The following EPHA6 variants were observed in gnomAD, a reference collection of about 807,000 sequenced individuals.
EPHA6 encodes the protein EPH receptor A6.
A neutral mutation model predicts 112.0 loss-of-function variants in EPHA6; 50 were observed. That is an observed-to-expected ratio of 0.45 (90% CI 0.36 to 0.56). The LOEUF is 0.56. EPHA6 is among the 20% of genes least tolerant of loss of function. The pLI is 0.00. For missense variants in EPHA6, 1,280 were observed against 1,417.4 expected (o/e 0.90, Z 1.56); for synonymous variants, 529 against 490.7 (o/e 1.08, Z -1.03).
At chr3:97,179,499 T>A (rs191306766) in intron 3 of EPHA6, among the ~76,000 whole-genome samples, 58 of 152,122 alleles carry the variant, frequency 3.8e-4, no homozygotes, top group African/African-American at 1.4e-3. Context: ...TTATTTGTAG[T>A]CAGTCTTTTT....
intron 2 of EPHA6, among the ~76,000 whole-genome samples, chr3:96,933,631 T>G (rs1439059241): frequency 1.3e-5 from 2 of 152,126 alleles, no homozygotes; most frequent in Non-Finnish European, 2.9e-5. Context: ...GTAAGAAAGA[T>G]TCATGATCAA....
At chr3:97,147,769 A>C (rs532513379) in intron 3 of EPHA6, among the ~76,000 whole-genome samples, 22 of 152,246 alleles carry the variant, frequency 1.4e-4, no homozygotes, top group African/African-American at 5.3e-4. Flanking sequence ...TCAAGGTCAT[A>C]AAAATCAAGG....
chr3:97,640,489 G>C (rs2093991965), intron 14 of EPHA6, among the ~76,000 whole-genome samples: 1 of 152,134 alleles, frequency 6.6e-6, no homozygotes, highest in South Asian at 2.1e-4. Context: ...ATTGGGGCCG[G>C]GCACGGTGGC....
At position 97,010,140 on chromosome 3, in the gene EPHA6, TTTG is replaced by T; in HGVS notation, c.1114+22150_1114+22152del. On this transcript the variant is annotated intron_variant, in intron 3 of 17. Transcript: ENST00000389672. ...GGTTACATTTACAGCCAAAATTTGT[TTTG>T]TTTTTATTTTGTTGTGTTTTCATTA... 2.5e-6 allele frequency: 3 copies of T among 1,214,434 alleles called. No individual in the cohort carries two copies. The South Asian group carries it at 4.1e-5, about 16-fold the overall frequency. 75.2% of individuals were successfully genotyped at this position (1,214,434 alleles called of 1,614,324 possible).
intron 2 of EPHA6, among the ~76,000 whole-genome samples, chr3:96,981,758 C>G (rs1328628978): frequency 2.0e-5 from 3 of 152,060 alleles, no homozygotes; most frequent in Non-Finnish European, 2.9e-5. Flanking sequence ...TTCAGAGATT[C>G]AACTTCTTCC....
chr3:97,115,152 C>T (rs1344248010), intron 3 of EPHA6, among the ~76,000 whole-genome samples: 3 of 151,804 alleles, frequency 2.0e-5, no homozygotes, highest in Admixed American at 1.3e-4. Flanking sequence ...TAATGGATGG[C>T]TATGTAGGGA....
intron 5 of EPHA6, among the ~76,000 whole-genome samples, chr3:97,316,500 G>A (rs1031108222): frequency 2.6e-5 from 4 of 151,844 alleles, no homozygotes; most frequent in African/African-American, 4.8e-5. Context: ...GAAGTGTCAT[G>A]TGTTATTTAT....
At chr3:96,947,077 T>G (rs1323993832) in intron 2 of EPHA6, among the ~76,000 whole-genome samples, 12 of 152,064 alleles carry the variant, frequency 7.9e-5, no homozygotes, top group Non-Finnish European at 1.8e-4. Context: ...ATTCTGGATA[T>G]TAGGCCTTTG....
At chr3:97,541,727 G>GTTTTTTTTTTTTTT (rs59024112) in intron 11 of EPHA6, among the ~76,000 whole-genome samples, 8 of 131,868 alleles carry the variant, frequency 6.1e-5, no homozygotes, top group Non-Finnish European at 8.4e-5. Context: ...TCTTTTTTTT[G>GTTTTTTTTTTTTTT]TTTTTTTTTT....
chr3:97,015,080 A>T (rs16837725), intron 3 of EPHA6, among the ~76,000 whole-genome samples: 2,004 of 152,306 alleles, frequency 0.013, 48 homozygotes, highest in African/African-American at 0.044. Context: ...AGAAGAAAAT[A>T]ATTACCAAAA....
At chr3:97,525,419 C>T (rs1388640574) in intron 10 of EPHA6, among the ~76,000 whole-genome samples, 1 of 152,040 alleles carries the variant, frequency 6.6e-6, no homozygotes, top group Admixed American at 6.6e-5. Context: ...AGTTGTCTAT[C>T]TCTATTTGTT....
chr3:96,931,022 G>GAAAAA (rs2040297475), intron 2 of EPHA6, among the ~76,000 whole-genome samples: 1 of 101,176 alleles, frequency 9.9e-6, no homozygotes, highest in Admixed American at 1.0e-4. Context: ...AAAAAAAAAA[G>GAAAAA]AAAAGCTTTC....
chr3:97,260,721 G>A (rs1380893645), intron 5 of EPHA6, among the ~76,000 whole-genome samples: 2 of 152,196 alleles, frequency 1.3e-5, no homozygotes, highest in African/African-American at 4.8e-5. Context: ...ACATCTCTGA[G>A]CATGAAGCAC....
chr3:97,580,679 C>A (rs565269416), intron 11 of EPHA6, among the ~76,000 whole-genome samples: 1 of 152,288 alleles, frequency 6.6e-6, no homozygotes, highest in African/African-American at 2.4e-5. Context: ...TTTAATGTGA[C>A]TAAACAGTCA....
At chr3:96,841,978 T>C (rs549209355) in intron 1 of EPHA6, among the ~76,000 whole-genome samples, 1 of 152,130 alleles carries the variant, frequency 6.6e-6, no homozygotes. Context: ...AGATTAAAAG[T>C]CCCGGGATGG....
chr3:97,331,395 G>T (rs1273708985), intron 5 of EPHA6, among the ~76,000 whole-genome samples: 1 of 151,896 alleles, frequency 6.6e-6, no homozygotes, highest in Non-Finnish European at 1.5e-5. Context: ...AAATAACTAA[G>T]AAAAGAGCAG....
intron 2 of EPHA6, among the ~76,000 whole-genome samples, chr3:96,927,108 C>T (rs1240194763): frequency 6.6e-6 from 1 of 152,182 alleles, no homozygotes. Context: ...TTTGTGCACC[C>T]GTAGGCCTAA....
At chr3:97,072,481 C>T (rs1383588801) in intron 3 of EPHA6, among the ~76,000 whole-genome samples, 1 of 151,978 alleles carries the variant, frequency 6.6e-6, no homozygotes, top group Admixed American at 6.6e-5. Context: ...TTATCACAGC[C>T]GTTAGAAGGC....
chr3:96,979,536 C>A (rs112658374), intron 2 of EPHA6, among the ~76,000 whole-genome samples: 1,997 of 152,250 alleles, frequency 0.013, 48 homozygotes, highest in African/African-American at 0.044. Flanking sequence ...TTTATAGCAG[C>A]ATGATTTATA....
Sources: gnomAD v4.1 joint callset for allele counts (sites outside exome capture counted in the v4.1 genomes callset) on GRCh38, gnomAD v4.1.1 for gene constraint, MANE v1.5 for transcripts, NCBI Gene and HGNC (gene_info 2026-07-23, HGNC 2026-07-21) for gene names.